The following WDFY2 variants were observed in gnomAD, a reference collection of about 807,000 sequenced individuals.
WDFY2 encodes the protein WD repeat and FYVE domain-containing protein 2.
WDFY2 carries 36 observed loss-of-function variants against 56.4 expected under a neutral mutation model. The ratio of observed to expected loss-of-function variants is 0.64; its 90% confidence interval spans 0.49 to 0.84. The LOEUF is 0.84. Among genes scored for constraint, WDFY2 ranks in the 40% least tolerant of loss-of-function variants. The pLI is 0.00. For missense variants in WDFY2, 444 were observed against 512.2 expected (o/e 0.87, Z 1.29); for synonymous variants, 176 against 183.7 (o/e 0.96, Z 0.34).
At chr13:51,640,412 T>G (rs1838222120) in intron 1 of WDFY2, among the ~76,000 whole-genome samples, 1 of 152,214 alleles carries the variant, frequency 6.6e-6, no homozygotes, top group African/African-American at 2.4e-5. Flanking sequence ...CATCTACTCC[T>G]TCCACCCTTT....
At chr13:51,756,611 C>A in intron 10 of WDFY2, 149 bp downstream of exon 10, 1 of 1,373,960 alleles carries the variant, frequency 7.3e-7, no homozygotes, top group Non-Finnish European at 9.4e-7. Context: ...CTCTCCTTTG[C>A]CACCAAGAGA....
chr13:51,615,082 T>C (rs1361141283), intron 1 of WDFY2, among the ~76,000 whole-genome samples: 1 of 152,218 alleles, frequency 6.6e-6, no homozygotes, highest in Non-Finnish European at 1.5e-5. Context: ...AAAAACTATC[T>C]TGAAACCCAG....
intron 3 of WDFY2, among the ~76,000 whole-genome samples, chr13:51,694,678 A>G (rs1951823504): frequency 6.6e-6 from 1 of 152,000 alleles, no homozygotes; most frequent in Admixed American, 6.6e-5. Context: ...GCTCTTCTTG[A>G]GGAGTATCTT....
At chr13:51,585,683 TC>T (rs1953923580) in intron 1 of WDFY2, among the ~76,000 whole-genome samples, 1 of 152,244 alleles carries the variant, frequency 6.6e-6, no homozygotes, top group African/African-American at 2.4e-5. Context: ...TGAAATTGTT[TC>T]TTTGGTAAAA....
At chr13:51,684,693 A>G (rs1368787915) in intron 3 of WDFY2, among the ~76,000 whole-genome samples, 2 of 152,128 alleles carry the variant, frequency 1.3e-5, no homozygotes, top group Admixed American at 1.3e-4. Context: ...ACCAGAAATA[A>G]GCCCCACATT....
Position 51,719,197 on chromosome 13 carries a change from G to A in WDFY2, c.335-1G>A, listed in dbSNP as rs1339083542. ...TTGTTTTCTTTTCTCTTGGTTTTCA[G>A]CGCATCAGAGCAGAGTGACGATGAT... is the stretch of plus-strand genomic sequence containing the variant. On this transcript the variant is annotated splice_acceptor_variant, in intron 4 of 11. Coordinates refer to ENST00000298125, the MANE Select transcript of WDFY2 (RefSeq NM_052950.4). LOFTEE classifies it high-confidence loss of function. The A allele has an allele frequency of 6.2e-7, 1 of 1,614,194 alleles. No individual in the cohort carries two copies.
chr13:51,732,681 T>C (rs112643890), intron 6 of WDFY2, among the ~76,000 whole-genome samples: 209 of 152,304 alleles, frequency 1.4e-3, no homozygotes, highest in African/African-American at 5.0e-3. Context: ...AAGATGCAAG[T>C]TCATATAGTT....
intron 1 of WDFY2, among the ~76,000 whole-genome samples, chr13:51,599,910 A>G (rs763921686): frequency 2.0e-5 from 3 of 152,008 alleles, no homozygotes; most frequent in African/African-American, 7.2e-5. Flanking sequence ...AAAAAAAACA[A>G]AACAAAAAAA....
At chr13:51,652,033 G>A (rs752625783) in intron 1 of WDFY2, among the ~76,000 whole-genome samples, 5 of 152,178 alleles carry the variant, frequency 3.3e-5, no homozygotes, top group Non-Finnish European at 7.3e-5. Context: ...TATTGTGTGG[G>A]AGTCTACATC....
At chr13:51,634,079 C>A (rs1040215305) in intron 1 of WDFY2, among the ~76,000 whole-genome samples, 4 of 152,142 alleles carry the variant, frequency 2.6e-5, no homozygotes, top group Admixed American at 2.0e-4. Flanking sequence ...TACTTAACTT[C>A]TTTTTGCCTC....
chr13:51,658,557 G>T (rs1033425856), intron 1 of WDFY2, among the ~76,000 whole-genome samples: 4 of 152,186 alleles, frequency 2.6e-5, no homozygotes, highest in Admixed American at 2.6e-4. Context: ...TTGATTTAGT[G>T]GAGGGACTGA....
chr13:51,731,994 A>C (rs1007968174), intron 6 of WDFY2, among the ~76,000 whole-genome samples: 5 of 152,198 alleles, frequency 3.3e-5, no homozygotes, highest in African/African-American at 1.2e-4. Context: ...TTAGGAAACT[A>C]GTTTTATGTT....
At chr13:51,585,347 A>G (rs1009870844) in intron 1 of WDFY2, among the ~76,000 whole-genome samples, 1 of 152,218 alleles carries the variant, frequency 6.6e-6, no homozygotes, top group African/African-American at 2.4e-5. Flanking sequence ...GAATATTCTA[A>G]GTTGTACCAA....
chr13:51,593,736 C>T (rs890397777), intron 1 of WDFY2, among the ~76,000 whole-genome samples: 3 of 152,028 alleles, frequency 2.0e-5, no homozygotes, highest in Admixed American at 1.3e-4. Flanking sequence ...CCATTGAAGT[C>T]TCTTGGTTCT....
intron 1 of WDFY2, among the ~76,000 whole-genome samples, chr13:51,636,572 A>G (rs1314629594): frequency 6.6e-6 from 1 of 152,240 alleles, no homozygotes; most frequent in Non-Finnish European, 1.5e-5. Flanking sequence ...TCCACAAAGT[A>G]TATTTACCTA....
intron 5 of WDFY2, among the ~76,000 whole-genome samples, chr13:51,720,074 G>A (rs1952453309): frequency 6.6e-6 from 1 of 152,150 alleles, no homozygotes; most frequent in African/African-American, 2.4e-5. Context: ...AGTTTAAAAA[G>A]CATATGGTCT....
intron 6 of WDFY2, among the ~76,000 whole-genome samples, chr13:51,736,701 C>A (rs892387316): frequency 6.6e-6 from 1 of 152,176 alleles, no homozygotes; most frequent in African/African-American, 2.4e-5. Flanking sequence ...TCATATTGGC[C>A]AGGCTGGTCT....
intron 2 of WDFY2, among the ~76,000 whole-genome samples, chr13:51,667,720 A>G (rs1377236644): frequency 6.6e-6 from 1 of 152,030 alleles, no homozygotes; most frequent in Non-Finnish European, 1.5e-5. Context: ...CCTGGTTGTG[A>G]AATGTATTGA....
intron 1 of WDFY2, among the ~76,000 whole-genome samples, chr13:51,601,899 G>C (rs564650654): frequency 1.3e-5 from 2 of 152,324 alleles, no homozygotes; most frequent in East Asian, 3.9e-4. Flanking sequence ...GGAAAAGCTA[G>C]CAAGTCAGCT....
Sources: allele counts gnomAD v4.1 joint callset (sites outside exome capture counted in the v4.1 genomes callset), GRCh38; gene constraint gnomAD v4.1.1; transcripts MANE v1.5; gene names NCBI Gene and HGNC (gene_info 2026-07-23, HGNC 2026-07-21).